SPARCL1: variants seen among roughly 807,000 people sequenced by gnomAD.
SPARCL1 encodes the protein SPARC-like protein 1.
SPARCL1 carries 52 observed loss-of-function variants against 67.1 expected under a neutral mutation model. The ratio of observed to expected loss-of-function variants is 0.78; its 90% CI spans 0.62 to 0.98. The LOEUF (loss-of-function observed/expected upper bound fraction) is 0.98. Among genes scored for constraint, SPARCL1 ranks in the 50% least tolerant of loss-of-function variants. SPARCL1 has a pLI of 0.00. For synonymous variants in SPARCL1, 226 were observed against 267.8 expected, an observed-to-expected ratio of 0.84 and a Z score of 1.52; for missense variants, 717 against 782.4, an observed-to-expected ratio of 0.92 and a Z score of 1.00.
At chr4:87,517,975 C>A (rs999780225) in intron 1 of SPARCL1, among the ~76,000 whole-genome samples, 64 of 152,218 alleles carry the variant, frequency 4.2e-4, no homozygotes, top group African/African-American at 1.5e-3. Context: ...CAGCAGAAGT[C>A]CCTTTAGGAT....
At chr4:87,514,184 T>A (rs1725490288) in intron 1 of SPARCL1, among the ~76,000 whole-genome samples, 1 of 152,060 alleles carries the variant, frequency 6.6e-6, no homozygotes, top group Admixed American at 6.6e-5. Context: ...TGAGACTCCA[T>A]CTCAAAAAAA....
At chr4:87,501,318 T>C (rs776522594) in intron 1 of SPARCL1, among the ~76,000 whole-genome samples, 7 of 152,152 alleles carry the variant, frequency 4.6e-5, no homozygotes, top group Non-Finnish European at 7.3e-5. Context: ...ATTTCTTGCT[T>C]CCTAAGTCCC....
intron 10 of SPARCL1, among the ~76,000 whole-genome samples, chr4:87,477,454 CAGG>C (rs1723627298): frequency 6.6e-6 from 1 of 152,176 alleles, no homozygotes; most frequent in South Asian, 2.1e-4. Flanking sequence ...CCTGCTGTAG[CAGG>C]ATTGGTCAGT....
intron 9 of SPARCL1, 90 bp downstream of exon 9, chr4:87,480,282 C>A: frequency 8.3e-7 from 1 of 1,208,940 alleles, no homozygotes; most frequent in Non-Finnish European, 1.1e-6. Flanking sequence ...GGGAAATGTC[C>A]TAAATCTGTT....
chr4:87,515,283 A>C (rs1420669206), intron 1 of SPARCL1, among the ~76,000 whole-genome samples: 1 of 152,256 alleles, frequency 6.6e-6, no homozygotes, highest in Admixed American at 6.5e-5. Flanking sequence ...TTCATCTACA[A>C]AACAGGAAAG....
intron 10 of SPARCL1, among the ~76,000 whole-genome samples, chr4:87,476,947 A>G (rs886977519): frequency 6.6e-6 from 1 of 152,238 alleles, no homozygotes. Context: ...ATTCCAAAGC[A>G]GTAAGTTGTT....
chr4:87,512,874 T>G (rs1725426729), intron 1 of SPARCL1, among the ~76,000 whole-genome samples: 1 of 152,216 alleles, frequency 6.6e-6, no homozygotes, highest in Non-Finnish European at 1.5e-5. Flanking sequence ...AAACAGGATG[T>G]CATAGGCTGT....
chr4:87,475,174 C>T (rs576536276), intron 10 of SPARCL1, among the ~76,000 whole-genome samples: 2 of 152,118 alleles, frequency 1.3e-5, no homozygotes, highest in Non-Finnish European at 2.9e-5. Flanking sequence ...CAAACATCCA[C>T]TCCTTACCCT....
intron 1 of SPARCL1, among the ~76,000 whole-genome samples, chr4:87,512,272 G>C (rs1725396924): frequency 6.6e-6 from 1 of 151,988 alleles, no homozygotes; most frequent in Admixed American, 6.5e-5. Context: ...CCCGGCCCCA[G>C]ATTTCCCTTC....
intron 1 of SPARCL1, among the ~76,000 whole-genome samples, chr4:87,503,618 T>C (rs1490499751): frequency 6.6e-6 from 1 of 152,016 alleles, no homozygotes; most frequent in Non-Finnish European, 1.5e-5. Flanking sequence ...GTGTGACACA[T>C]AGGAATTCCT....
At chr4:87,483,078 C>A (rs1723897483) in intron 7 of SPARCL1, among the ~76,000 whole-genome samples, 1 of 132,936 alleles carries the variant, frequency 7.5e-6, no homozygotes, top group South Asian at 2.3e-4. Context: ...CTCAGGATCA[C>A]TGCCGTTTTT....
intron 1 of SPARCL1, among the ~76,000 whole-genome samples, chr4:87,509,020 A>G (rs1414796975): frequency 2.0e-5 from 3 of 148,232 alleles, no homozygotes; most frequent in African/African-American, 7.4e-5. Context: ...ATACTTATAT[A>G]CATGTATCTA....
chr4:87,490,512 G>C lies in SPARCL1; in HGVS notation c.1411-119C>G, dbSNP rs902866578. 323 of 1,195,732 alleles carry C rather than the reference G, an allele frequency of 2.7e-4. 1 individual carries two copies. The highest frequency in any genetic ancestry group is 3.1e-4 in the Non-Finnish European group (267 of 860,114). The allele number at this position is 1,195,732 out of a possible 1,614,324, so 74.1% of individuals were successfully genotyped here. A position where few individuals can be genotyped will look rare whatever the true frequency, so the allele number is the denominator to read the frequency against. Reference sequence around the variant, plus strand: ...GTGCCAAAGATGTGGTCAGGTAGGTGAGACTATTAAAATCGTAATTGTTCC... The same window carrying C: ...GTGCCAAAGATGTGGTCAGGTAGGTCAGACTATTAAAATCGTAATTGTTCC... On this transcript the variant is annotated intron_variant, in intron 6 of 10. Coordinates refer to ENST00000282470, the MANE Select transcript of SPARCL1 (RefSeq NM_004684.6).
chr4:87,480,050 A>G (rs1190955477), intron 9 of SPARCL1, among the ~76,000 whole-genome samples: 1 of 151,834 alleles, frequency 6.6e-6, no homozygotes, highest in Non-Finnish European at 1.5e-5. Context: ...TTTAATGAAT[A>G]TTACATAGCT....
intron 10 of SPARCL1, among the ~76,000 whole-genome samples, chr4:87,476,040 G>A (rs1009877429): frequency 2.6e-5 from 4 of 152,132 alleles, no homozygotes; most frequent in Non-Finnish European, 5.9e-5. Flanking sequence ...AGAGATAATG[G>A]CCAAACCATA....
chr4:87,527,611 G>A (rs1381630), intron 1 of SPARCL1, among the ~76,000 whole-genome samples: 81,828 of 151,598 alleles, frequency 0.54, 22,968 homozygotes, highest in East Asian at 0.71. Flanking sequence ...GTGCCATGAG[G>A]AGCTACTGGG....
intron 1 of SPARCL1, among the ~76,000 whole-genome samples, chr4:87,508,003 C>T (rs1018471151): frequency 1.1e-4 from 16 of 152,322 alleles, no homozygotes; most frequent in South Asian, 6.2e-4. Context: ...AAGCCCTCCC[C>T]GGAACACACC....
intron 7 of SPARCL1, among the ~76,000 whole-genome samples, chr4:87,486,220 T>G (rs1483650730): frequency 6.6e-6 from 1 of 152,186 alleles, no homozygotes; most frequent in East Asian, 1.9e-4. Flanking sequence ...TATATTTCCC[T>G]CTAAACAGTG....
At chr4:87,475,546 A>G (rs1723551740) in intron 10 of SPARCL1, among the ~76,000 whole-genome samples, 2 of 152,180 alleles carry the variant, frequency 1.3e-5, no homozygotes, top group African/African-American at 4.8e-5. Flanking sequence ...CCTGGTGTCA[A>G]TTATTCTCTG....
Sources: gnomAD v4.1 joint callset for allele counts (sites outside exome capture counted in the v4.1 genomes callset) on GRCh38, gnomAD v4.1.1 for gene constraint, MANE v1.5 for transcripts, NCBI Gene and HGNC (gene_info 2026-07-23, HGNC 2026-07-21) for gene names.